Variants in EPS8L2 observed in about 807,000 individuals in gnomAD.
The protein encoded by EPS8L2 is epidermal growth factor receptor kinase substrate 8-like protein 2.
A neutral mutation model predicts 99.4 loss-of-function variants in EPS8L2; 81 were observed. The observed-to-expected ratio is 0.82, with a 90% CI of 0.68 to 0.98. EPS8L2 has a LOEUF of 0.98. Among genes scored for constraint, EPS8L2 ranks in the 50% least tolerant of loss-of-function variants. EPS8L2 has a pLI of 0.00. For synonymous variants in EPS8L2, 509 were observed against 407.3 expected (o/e 1.25, Z -3.01); for missense variants, 1,155 against 968.8 (o/e 1.19, Z -2.55).
intron 20 of EPS8L2, 30 bp from the exon 21 acceptor site, chr11:726,871 G>C: frequency 1.2e-6 from 2 of 1,605,600 alleles, no homozygotes; most frequent in Non-Finnish European, 1.7e-6. Flanking sequence ...GGGACCCCCG[G>C]CTGAGGATGC....
At chr11:706,674 CA>C (rs1861728500) in intron 1 of EPS8L2, 1 of 152,414 alleles carries the variant, frequency 6.6e-6, no homozygotes. Flanking sequence ...CTGTGAGCAG[CA>C]GGACCCTCCC....
In EPS8L2 at chr11:710,462, C is replaced by G; in HGVS notation, c.141C>G (p.His47Gln). ...KKYSNSNVIM[H>Q]ETSQYHVQHL... is the part of the protein sequence containing the mutation. ...ATTCCAACTCCAACGTCATCATGCA[C>G]GAGACCTCGCAGTACCACGTCCAGG... Residue 47 changes from histidine to glutamine, a missense_variant, in exon 4 of 21, where the codon CAC becomes CAG. By Grantham distance (24) the His-to-Gln change is conservative. Coordinates refer to ENST00000318562, the MANE Select transcript of EPS8L2 (RefSeq NM_022772.4). 1 of 1,613,746 alleles carries G rather than the reference C, an allele frequency of 6.2e-7. No homozygotes were observed. The highest frequency in any genetic ancestry group is 8.5e-7 in the Non-Finnish European group (1 of 1,179,958).
In EPS8L2 at chr11:721,911, C is replaced by T. The variant is rs1842193933; in HGVS notation, c.904C>T (p.Leu302Phe). 6.3e-7 allele frequency: 1 copy of T among 1,589,740 alleles called. No homozygotes were observed. The highest frequency in any genetic ancestry group is 1.1e-5 in the South Asian group (1 of 88,306). ...KGKKAPAEGV[L>F]TLRARPPSEG... ...GGTGCCTCCCATGCCAGAGGGCGTC[C>T]TCACACTGCGGGCACGGCCCCCCTC... The change falls in exon 11 of 21, where the codon CTC (leucine) becomes TTC (phenylalanine). Residue 302 changes from leucine (L) to phenylalanine (F), a missense_variant. Leu to Phe is a conservative substitution (Grantham distance 22, BLOSUM62 0). Transcript: ENST00000318562.
In EPS8L2 at chr11:727,088, G is replaced by A. The variant is rs1862352117; in HGVS notation, c.*107G>A. The A allele has an allele frequency of 4.8e-6, 4 of 831,878 alleles. No individual in the cohort carries two copies. In the South Asian group the frequency reaches 6.7e-5, roughly 14 times the overall value. The allele number at this position is 831,878 out of a possible 1,614,324, so 51.5% of individuals were successfully genotyped here. ...TTTGTATCAAGGACACGGAGGGGGT[G>A]TGGTGCTGGCTAGAGGTCCCTGCCC... On this transcript the variant is annotated 3_prime_UTR_variant, in exon 21 of 21. Transcript: ENST00000318562.
chr11:707,494 C>G (rs905193254), intron 1 of EPS8L2, among the ~76,000 whole-genome samples: 1 of 152,210 alleles, frequency 6.6e-6, no homozygotes, highest in African/African-American at 2.4e-5. Flanking sequence ...GCCCGACTGA[C>G]CGGGCACCCC....
chr11:721,005 A>G, intron 7 of EPS8L2, 59 bp from the exon 8 acceptor site: 1 of 1,397,718 alleles, frequency 7.2e-7, no homozygotes. Context: ...GGAGCCCGGC[A>G]GGGAGGGAGG....
chr11:707,306 G>T (rs2089947455), intron 1 of EPS8L2, among the ~76,000 whole-genome samples: 1 of 152,174 alleles, frequency 6.6e-6, no homozygotes. Context: ...CAAGGACAGG[G>T]CCAGGGCCTG....
At chr11:714,371 A>G (rs919930209) in intron 4 of EPS8L2, among the ~76,000 whole-genome samples, 2 of 151,564 alleles carry the variant, frequency 1.3e-5, no homozygotes, top group African/African-American at 4.8e-5. Flanking sequence ...CTGGGATTAC[A>G]GGAATCCATC....
intron 14 of EPS8L2, 100 bp downstream of exon 14, chr11:722,905 C>G: frequency 1.3e-6 from 1 of 751,188 alleles, no homozygotes; most frequent in South Asian, 1.9e-5. Context: ...CCAGAGCTCC[C>G]CCCCCAGCCC....
intron 4 of EPS8L2, among the ~76,000 whole-genome samples, chr11:717,901 C>T (rs1029152740): frequency 6.6e-6 from 1 of 151,710 alleles, no homozygotes; most frequent in Non-Finnish European, 1.5e-5. Context: ...CCCAGCTACT[C>T]GGGAGGCTGA....
At position 726,759 on chromosome 11, in the gene EPS8L2, C is replaced by G. The variant is rs1421842083; in HGVS notation, c.2067+8C>G. 1.9e-6 allele frequency: 3 copies of G among 1,586,392 alleles called. No individual in the cohort carries two copies. Among genetic ancestry groups the G allele is most frequent in the Non-Finnish European group, 2.6e-6 (3 of 1,168,278 alleles). On this transcript the variant is annotated splice_region_variant and intron_variant, in intron 20 of 20. Transcript: ENST00000318562. Reference sequence around the variant, plus strand: ...CAGAAGGCCTTCCTGGAGGTGAGCCCGCCTGCGCTCCGGCGCCACGCCCCT... The same window carrying G: ...CAGAAGGCCTTCCTGGAGGTGAGCCGGCCTGCGCTCCGGCGCCACGCCCCT...
chr11:718,017 GA>G (rs1399775955), intron 4 of EPS8L2, among the ~76,000 whole-genome samples: 45 of 139,284 alleles, frequency 3.2e-4, no homozygotes, highest in East Asian at 1.6e-3. Context: ...TCAAAAAAAA[GA>G]AAAAAAAAAT....
intron 8 of EPS8L2, 32 bp from the exon 9 acceptor site, chr11:721,253 G>T (rs751723704): frequency 1.3e-4 from 195 of 1,537,314 alleles, no homozygotes; most frequent in Non-Finnish European, 1.6e-4. Flanking sequence ...GTTGTGGGGG[G>T]CTCGGTGAGC....
intron 4 of EPS8L2, among the ~76,000 whole-genome samples, chr11:715,965 T>C (rs950806200): frequency 7.6e-6 from 1 of 131,298 alleles, no homozygotes; most frequent in African/African-American, 3.1e-5. Flanking sequence ...TTAGATTATT[T>C]ATCTTTTTTT....
intron 14 of EPS8L2, 29 bp downstream of exon 14, chr11:722,834 C>T (rs1221428652): frequency 5.4e-6 from 8 of 1,476,194 alleles, no homozygotes; most frequent in Admixed American, 2.1e-5. Context: ...CCCATCCCTA[C>T]CCCAGCCCCA....
At chr11:715,167 C>CG (rs1554950968) in intron 4 of EPS8L2, among the ~76,000 whole-genome samples, 1 of 151,572 alleles carries the variant, frequency 6.6e-6, no homozygotes, top group Admixed American at 6.6e-5. Context: ...GCGTGAACCC[C>CG]GGAGGCGGAG....
chr11:719,056 C>G (rs1862089050), intron 4 of EPS8L2, among the ~76,000 whole-genome samples: 1 of 150,240 alleles, frequency 6.7e-6, no homozygotes, highest in Non-Finnish European at 1.5e-5. Flanking sequence ...ACCTCTGCCT[C>G]CTGGGTTCAA....
rs531701984 is a variant in EPS8L2 at position 717,781 on chromosome 11, G to A, written c.166-2281G>A. On this transcript the variant is annotated intron_variant, in intron 4 of 20. Coordinates refer to ENST00000318562, the MANE Select transcript of EPS8L2 (RefSeq NM_022772.4). ...TCCCAGCACTTTGGGAGGCCGAGGC[G>A]GGCAGATCACAAGGTCAGGAGATGG... Among the ~76,000 whole-genome samples the A allele has an allele frequency of 4.1e-3, 619 of 152,028 alleles. 2 individuals carry two copies. The highest frequency in any genetic ancestry group is 0.014 in the African/African-American group (560 of 41,448).
chr11:720,985 G>GGGAGGGAGGGGAGGAGCCCGGCAGAGGGA, intron 7 of EPS8L2, 76 bp downstream of exon 7: 1 of 1,371,644 alleles, frequency 7.3e-7, no homozygotes, highest in Non-Finnish European at 9.8e-7. Context: ...GGAGCCGGCA[G>GGGAGGGAGGGGAGGAGCCCGGCAGAGGGA]GGGAGGGGAG....
Sources: allele counts gnomAD v4.1 joint callset (sites outside exome capture counted in the v4.1 genomes callset), GRCh38; gene constraint gnomAD v4.1.1; transcripts MANE v1.5; gene names NCBI Gene and HGNC (gene_info 2026-07-23, HGNC 2026-07-21).